Variants in ADAMTSL1 observed in about 807,000 individuals in gnomAD.
The protein encoded by ADAMTSL1 is ADAMTS-like protein 1.
In ADAMTSL1, 126 loss-of-function variants were observed where a neutral mutation model predicts 201.8. The observed-to-expected ratio is 0.62, with a 90% CI of 0.54 to 0.72. The LOEUF (loss-of-function observed/expected upper bound fraction) is 0.72, where lower values mean the gene tolerates loss of function less well. Ranked by LOEUF, ADAMTSL1 falls within the 30% of genes least tolerant of loss-of-function variation. The probability of loss-of-function intolerance (pLI) is 0.00; values close to 1 mark genes in which losing one functional copy is unlikely to be tolerated. For synonymous variants in ADAMTSL1, 1,121 were observed against 903.4 expected, an observed-to-expected ratio of 1.24 and a Z score of -4.32; for missense variants, 2,679 against 2,277.8, an observed-to-expected ratio of 1.18 and a Z score of -3.59.
intron 23 of ADAMTSL1, among the ~76,000 whole-genome samples, chr9:18,866,131 T>G (rs200908160): frequency 4.7e-5 from 2 of 42,280 alleles, no homozygotes; most frequent in African/African-American, 4.5e-4. Context: ...AAAAAAAAAA[T>G]GACGGATACT....
intron 23 of ADAMTSL1, among the ~76,000 whole-genome samples, chr9:18,833,583 T>C (rs909891735): frequency 6.6e-6 from 1 of 152,238 alleles, no homozygotes; most frequent in Non-Finnish European, 1.5e-5. Flanking sequence ...TCCTTATAGA[T>C]GCTGGATGTT....
At chr9:18,205,864 G>A (rs1217899287) in intron 2 of ADAMTSL1, among the ~76,000 whole-genome samples, 2 of 151,674 alleles carry the variant, frequency 1.3e-5, no homozygotes, top group Non-Finnish European at 2.9e-5. Context: ...GACCAGCCTG[G>A]GCAACATGGT....
At chr9:18,398,008 C>G (rs983537608) in intron 2 of ADAMTSL1, among the ~76,000 whole-genome samples, 18 of 152,114 alleles carry the variant, frequency 1.2e-4, no homozygotes, top group Non-Finnish European at 2.1e-4. Context: ...TTGTCTTGCT[C>G]AGGGCAGTGT....
intron 2 of ADAMTSL1, among the ~76,000 whole-genome samples, chr9:18,345,817 A>G (rs1004596430): frequency 2.0e-5 from 3 of 152,014 alleles, no homozygotes; most frequent in Admixed American, 6.6e-5. Context: ...ACAACACAGA[A>G]CCCTGAGCTG....
chr9:18,419,731 C>CTTT (rs772122083), intron 2 of ADAMTSL1, among the ~76,000 whole-genome samples: 10 of 125,314 alleles, frequency 8.0e-5, no homozygotes, highest in African/African-American at 1.8e-4. Flanking sequence ...ATTTATTTGA[C>CTTT]TTTTTTTTTT....
intron 2 of ADAMTSL1, among the ~76,000 whole-genome samples, chr9:18,415,908 T>C (rs1056159865): frequency 4.6e-5 from 7 of 151,896 alleles, no homozygotes; most frequent in African/African-American, 1.7e-4. Flanking sequence ...TGTAAAATAC[T>C]GAAAGGAAAA....
At position 18,479,669 on chromosome 9, in the gene ADAMTSL1, T is replaced by G. The variant is rs1346614370; in HGVS notation, c.63+5374T>G. On this transcript the variant is annotated intron_variant, in intron 1 of 28. Transcript: ENST00000380548. The stretch of plus-strand genomic sequence containing the variant: ...ATCTCTTACTTATCTTACACTTCTT[T>G]CTGTCCCACAAAGCTGTGGGGGACA... Among the ~76,000 whole-genome samples the G allele has an allele frequency of 2.0e-5, 3 of 152,236 alleles. No individual in the cohort carries two copies. In the East Asian group the frequency reaches 5.8e-4, roughly 29 times the overall value.
At chr9:18,029,404 G>C (rs1170966069) in intron 1 of ADAMTSL1, among the ~76,000 whole-genome samples, 1 of 152,076 alleles carries the variant, frequency 6.6e-6, no homozygotes, top group South Asian at 2.1e-4. Context: ...ATTCGAAATG[G>C]ATTAAAGACT....
chr9:18,217,824 C>T (rs1203838906), intron 2 of ADAMTSL1, among the ~76,000 whole-genome samples: 1 of 152,048 alleles, frequency 6.6e-6, no homozygotes, highest in African/African-American at 2.4e-5. Flanking sequence ...ACAGAAAAGG[C>T]ATCCCTTTGA....
At chr9:18,099,828 G>A (rs1294701348) in intron 1 of ADAMTSL1, among the ~76,000 whole-genome samples, 3 of 151,584 alleles carry the variant, frequency 2.0e-5, no homozygotes, top group Non-Finnish European at 4.4e-5. Context: ...GGGTTTCACT[G>A]TGTTACCCAG....
chr9:18,087,959 A>G (rs969439443), intron 1 of ADAMTSL1, among the ~76,000 whole-genome samples: 1 of 152,108 alleles, frequency 6.6e-6, no homozygotes, highest in African/African-American at 2.4e-5. Flanking sequence ...TCTAACTTAT[A>G]TTAAACAATC....
chr9:18,408,771 G>C (rs1170106629), intron 2 of ADAMTSL1, among the ~76,000 whole-genome samples: 2 of 152,136 alleles, frequency 1.3e-5, no homozygotes, highest in East Asian at 3.9e-4. Context: ...ATTACAGCAG[G>C]CATTTATTGG....
intron 6 of ADAMTSL1, among the ~76,000 whole-genome samples, chr9:18,636,498 A>G (rs533143746): frequency 1.4e-3 from 217 of 152,354 alleles, no homozygotes; most frequent in Non-Finnish European, 2.3e-3. Context: ...AAAGAAAACC[A>G]TCATGGTGTA....
intron 2 of ADAMTSL1, among the ~76,000 whole-genome samples, chr9:18,421,791 C>G (rs1021317462): frequency 6.6e-6 from 1 of 151,922 alleles, no homozygotes; most frequent in Non-Finnish European, 1.5e-5. Context: ...AAATAGGTGT[C>G]CAATAAATGG....
At position 18,878,455 on chromosome 9, in the gene ADAMTSL1, A is replaced by C. The variant is rs983729447; in HGVS notation, c.4250-9376A>C. Among the ~76,000 whole-genome samples, 3 of 152,242 alleles carry C rather than the reference A, an allele frequency of 2.0e-5. No individual in the cohort carries two copies. In the East Asian group the frequency reaches 5.8e-4, roughly 29 times the overall value. On this transcript the variant is annotated intron_variant, in intron 23 of 28. Transcript: ENST00000380548. The stretch of plus-strand genomic sequence containing the variant: ...ATGGCTTCCCCAGGAACTGAGAGCC[A>C]ACAGGGCTCTTCCCACTACTACATC...
intron 3 of ADAMTSL1, among the ~76,000 whole-genome samples, chr9:18,553,793 A>C (rs1200759440): frequency 6.6e-6 from 1 of 151,844 alleles, no homozygotes; most frequent in Non-Finnish European, 1.5e-5. Context: ...GCCAGCTGTC[A>C]TTCTAATTTG....
At chr9:18,104,245 G>T (rs1316860087) in intron 1 of ADAMTSL1, among the ~76,000 whole-genome samples, 2 of 152,096 alleles carry the variant, frequency 1.3e-5, no homozygotes, top group Non-Finnish European at 2.9e-5. Flanking sequence ...GATCTTACGT[G>T]ATATACCACT....
chr9:18,766,054 C>CA (rs151212972), intron 16 of ADAMTSL1, among the ~76,000 whole-genome samples: 5,447 of 149,938 alleles, frequency 0.036, 340 homozygotes, highest in African/African-American at 0.12. Context: ...AACAAAACAA[C>CA]AAAAAAAAAG....
At chr9:18,089,372 A>ACCAAACAC (rs1411186263) in intron 1 of ADAMTSL1, among the ~76,000 whole-genome samples, 1 of 149,288 alleles carries the variant, frequency 6.7e-6, no homozygotes, top group African/African-American at 2.5e-5. Flanking sequence ...AGAACAGAAA[A>ACCAAACAC]CCAAACACTG....
Sources: allele counts gnomAD v4.1 joint callset (sites outside exome capture counted in the v4.1 genomes callset), GRCh38; gene constraint gnomAD v4.1.1; transcripts MANE v1.5; gene names NCBI Gene and HGNC (gene_info 2026-07-23, HGNC 2026-07-21).